The following ECHDC1 variants were observed in gnomAD, a reference collection of about 807,000 sequenced individuals.
ECHDC1 encodes the protein ethylmalonyl-CoA decarboxylase 1, also known as ethylmalonyl-CoA decarboxylase.
A neutral mutation model predicts 29.7 loss-of-function variants in ECHDC1; 29 were observed. That is an observed-to-expected ratio of 0.98 (90% confidence interval 0.73 to 1.33). ECHDC1 has a LOEUF of 1.33. Among genes scored for constraint, ECHDC1 ranks in the 40% most tolerant of loss-of-function variants. The probability of loss-of-function intolerance (pLI) is 0.00; values close to 1 mark genes in which losing one functional copy is unlikely to be tolerated. For missense variants in ECHDC1, 328 were observed against 350.0 expected (o/e 0.94, Z 0.50); for synonymous variants, 126 against 123.1 (o/e 1.02, Z -0.15).
intron 5 of ECHDC1, among the ~76,000 whole-genome samples, chr6:127,300,321 T>C (rs995709846): frequency 6.6e-6 from 1 of 152,198 alleles, no homozygotes; most frequent in Non-Finnish European, 1.5e-5. Context: ...ACGTGGTAGG[T>C]AGATTGGCCC....
chr6:127,307,498 A>G (rs533382059), intron 5 of ECHDC1, among the ~76,000 whole-genome samples: 2 of 151,754 alleles, frequency 1.3e-5, no homozygotes, highest in African/African-American at 4.8e-5. Context: ...GCATGGTGGC[A>G]TGCACCTGTA....
At chr6:127,343,284 C>T (rs889705254) in intron 1 of ECHDC1, 52 bp downstream of exon 1, 1 of 152,258 alleles carries the variant, frequency 6.6e-6, no homozygotes, top group Non-Finnish European at 1.5e-5. Context: ...TAGGATTCTC[C>T]CACTGACAAC....
chr6:127,317,766 C>T (rs11154396), intron 3 of ECHDC1: 81,909 of 151,920 alleles, frequency 0.54, 24,219 homozygotes, highest in Non-Finnish European at 0.68. Flanking sequence ...TACTTCCCCT[C>T]GGATCTACCT....
intron 4 of ECHDC1, chr6:127,315,886 T>C (rs1197097378): frequency 4.4e-6 from 2 of 452,816 alleles, no homozygotes; most frequent in Admixed American, 5.2e-5. Flanking sequence ...AATGTGAAAG[T>C]AGAAAGCTAA....
At chr6:127,296,459 G>A (rs543519192) in intron 5 of ECHDC1, among the ~76,000 whole-genome samples, 1 of 151,962 alleles carries the variant, frequency 6.6e-6, no homozygotes. Flanking sequence ...TCCCACAGTG[G>A]ACCATGTTTT....
At chr6:127,325,501 G>C (rs1783244244) in intron 3 of ECHDC1, among the ~76,000 whole-genome samples, 1 of 152,074 alleles carries the variant, frequency 6.6e-6, no homozygotes, top group South Asian at 2.1e-4. Context: ...TGATGAGTTT[G>C]TAGATAAGTA....
rs745501398 is a variant in ECHDC1 at position 127,317,461 on chromosome 6, A to T, written c.364-959T>A. Among the ~76,000 whole-genome samples, 21 of 152,164 alleles carry T rather than the reference A, an allele frequency of 1.4e-4. 1 individual carries two copies. The highest frequency in any genetic ancestry group is 2.9e-4 in the Non-Finnish European group (20 of 68,018). ...CTGAAAGTAAAAGAACTGACTTTGA[A>T]TCCTAGTGCTGCCACTTAATAACAA... On this transcript the variant is annotated intron_variant, in intron 3 of 5. Coordinates refer to ENST00000454859, the MANE Select transcript of ECHDC1 (RefSeq NM_001002030.2).
Position 127,316,497 on chromosome 6 carries a change from T to A in ECHDC1, c.369A>T (p.Gly123=), listed in dbSNP as rs760653967. ...AVKSLGTPED[G]MAVCMFMQNT... ...TTTGCATGAACATGCATACGGCCAT[T>A]CCATCCTTTAAATAAAAATAAGCAG... The change falls in exon 4 of 6, where the codon GGA becomes GGT. Residue 123 remains glycine, a synonymous_variant. Coordinates refer to ENST00000454859, the MANE Select transcript of ECHDC1 (RefSeq NM_001002030.2). The A allele has an allele frequency of 1.1e-5, 18 of 1,600,824 alleles. No individual in the cohort carries two copies. In the African/African-American group the frequency reaches 2.2e-4, roughly 19 times the overall value.
intron 5 of ECHDC1, among the ~76,000 whole-genome samples, chr6:127,311,694 A>G (rs1484667035): frequency 1.8e-3 from 176 of 99,022 alleles, no homozygotes; most frequent in African/African-American, 5.5e-3. Context: ...AAAAAAAAAA[A>G]AAAAGAAAAG....
intron 2 of ECHDC1, 148 bp from the exon 3 acceptor site, chr6:127,327,292 G>A (rs1320869229): frequency 2.3e-6 from 2 of 853,580 alleles, no homozygotes; most frequent in Non-Finnish European, 3.5e-6. Context: ...TACTGCACTG[G>A]CACTATGGAG....
chr6:127,320,083 T>C (rs1330279135), intron 3 of ECHDC1, among the ~76,000 whole-genome samples: 1 of 152,156 alleles, frequency 6.6e-6, no homozygotes. Flanking sequence ...AGTGGCGTGA[T>C]CTTGGCTCAC....
intron 3 of ECHDC1, among the ~76,000 whole-genome samples, chr6:127,322,764 TA>T (rs1012684388): frequency 2.0e-5 from 3 of 152,020 alleles, no homozygotes; most frequent in Non-Finnish European, 4.4e-5. Context: ...AACAACCTTC[TA>T]ACTAAAAGAA....
chr6:127,327,144 C>A lies in ECHDC1; in HGVS notation c.221G>T (p.Gly74Val), dbSNP rs1208149050. The change falls in exon 3 of 6, where the codon GGT becomes GTT. Residue 74 changes from glycine (G) to valine (V), a missense_variant and splice_region_variant. Coordinates refer to ENST00000454859, the MANE Select transcript of ECHDC1 (RefSeq NM_001002030.2). ...TTCCAGAAGTTGTAGCATCATAACA[C>A]CTGCCAGAGATGGAAGTGGGAAATC... is the stretch of plus-strand genomic sequence containing the variant. The part of the protein sequence containing the change: ...NNPSRMNAFS[G>V]VMMLQLLEKV... 1 of 1,611,096 alleles carries A rather than the reference C, an allele frequency of 6.2e-7. No individual in the cohort carries two copies. Among genetic ancestry groups the A allele is most frequent in the Non-Finnish European group, 8.5e-7 (1 of 1,178,828 alleles).
At chr6:127,313,594 G>A in intron 5 of ECHDC1, 1 of 455,926 alleles carries the variant, frequency 2.2e-6, no homozygotes, top group Non-Finnish European at 4.4e-6. Context: ...GTCTGAAACT[G>A]AGACAAAAAG....
At chr6:127,329,890 G>A (rs1306287936) in intron 2 of ECHDC1, 7 of 455,164 alleles carry the variant, frequency 1.5e-5, no homozygotes, top group African/African-American at 6.0e-5. Context: ...ATTCTGGTAA[G>A]TGGAGAGAAA....
At position 127,289,697 on chromosome 6, in the gene ECHDC1, T is replaced by TA. The variant is rs1779948087; in HGVS notation, c.*171dup. 3.0e-6 allele frequency: 2 copies of TA among 671,818 alleles called. No homozygotes were observed. Among genetic ancestry groups the TA allele is most frequent in the South Asian group, 5.3e-5 (2 of 37,606 alleles). 41.6% of individuals were successfully genotyped at this position (671,818 alleles called of 1,614,324 possible). On this transcript the variant is annotated 3_prime_UTR_variant, in exon 6 of 6. Transcript: ENST00000454859. ...ATTACGCAGTAAATACCCAAGTGAG[T>TA]AATTGGCAAGAAATGAGGTAAATGA...
chr6:127,318,467 C>G, intron 3 of ECHDC1, among the ~76,000 whole-genome samples: 1 of 152,262 alleles, frequency 6.6e-6, no homozygotes, highest in Non-Finnish European at 1.5e-5. Flanking sequence ...ATCATCTCTA[C>G]AAGATGGGGA....
chr6:127,330,014 A>AT (rs1159505753), intron 2 of ECHDC1: 3 of 275,204 alleles, frequency 1.1e-5, no homozygotes, highest in Non-Finnish European at 2.2e-5. Context: ...ATTTTGTGAG[A>AT]TTTTCTGAGC....
intron 3 of ECHDC1, among the ~76,000 whole-genome samples, chr6:127,317,650 AAGTT>A (rs1340826854): frequency 7.2e-5 from 11 of 152,178 alleles, no homozygotes; most frequent in African/African-American, 2.7e-4. Context: ...TTAGTGGAAA[AAGTT>A]AGTGTAAGAG....
Sources: allele counts gnomAD v4.1 joint callset (sites outside exome capture counted in the v4.1 genomes callset), GRCh38; gene constraint gnomAD v4.1.1; transcripts MANE v1.5; gene names NCBI Gene and HGNC (gene_info 2026-07-23, HGNC 2026-07-21).